SYT1: variants seen among roughly 807,000 people sequenced by gnomAD.
SYT1 encodes the protein synaptotagmin 1, also known as synaptotagmin-1.
A neutral mutation model predicts 44.8 loss-of-function variants in SYT1; 8 were observed. The observed-to-expected ratio is 0.18, with a 90% CI of 0.10 to 0.32. The LOEUF is 0.32. Among genes scored for constraint, SYT1 ranks in the 10% least tolerant of loss-of-function variants. SYT1 has a pLI of 1.00. For synonymous variants in SYT1, 154 were observed against 188.8 expected (o/e 0.82, Z 1.51); for missense variants, 286 against 509.3 (o/e 0.56, Z 4.22).
chr12:79,362,190 C>T (rs903974155), intron 9 of SYT1, among the ~76,000 whole-genome samples: 6 of 152,054 alleles, frequency 3.9e-5, no homozygotes, highest in Admixed American at 3.9e-4. Context: ...ATAAGATAAA[C>T]GTTTCCAGCC....
chr12:79,153,148 C>CGG (rs1870384829), intron 3 of SYT1, among the ~76,000 whole-genome samples: 1 of 152,006 alleles, frequency 6.6e-6, no homozygotes, highest in South Asian at 2.1e-4. Context: ...TTGAGGGAAA[C>CGG]GGGGCTGAGT....
intron 9 of SYT1, chr12:79,393,823 T>C (rs1373656341): frequency 1.3e-5 from 2 of 152,312 alleles, no homozygotes; most frequent in East Asian, 3.9e-4. Context: ...CCCATTTGTC[T>C]ATTTTGGCTT....
chr12:79,124,221 A>G (rs940191844), intron 3 of SYT1, among the ~76,000 whole-genome samples: 1 of 152,192 alleles, frequency 6.6e-6, no homozygotes. Flanking sequence ...TTTCAAAATT[A>G]TGTGGCCTGC....
At chr12:79,053,287 C>T (rs753912382) in intron 3 of SYT1, among the ~76,000 whole-genome samples, 1 of 152,002 alleles carries the variant, frequency 6.6e-6, no homozygotes, top group Non-Finnish European at 1.5e-5. Context: ...TGTTCTCACT[C>T]ATAGGTGGGA....
rs1870998590 is a variant in SYT1, at chr12:79,450,546, T to C, written c.*1422T>C. 1 of 152,614 alleles carries C rather than the reference T, an allele frequency of 6.6e-6. No individual in the cohort carries two copies. The highest frequency in any genetic ancestry group is 6.5e-5 in the Admixed American group (1 of 15,270). The allele number at this position is 152,614 out of a possible 1,614,324, so 9.5% of individuals were successfully genotyped here. A position where few individuals can be genotyped will look rare whatever the true frequency, so the allele number is the denominator to read the frequency against. On this transcript the variant is annotated 3_prime_UTR_variant, in exon 11 of 11. Transcript: ENST00000261205. Reference sequence around the variant, plus strand: ...GACACTATTATGAAGCTACTAGTCATTCCATAAGAGTCTTAAAGGACTGCT... The same window carrying C: ...GACACTATTATGAAGCTACTAGTCACTCCATAAGAGTCTTAAAGGACTGCT...
chr12:78,887,797 A>G (rs186057602), intron 1 of SYT1, among the ~76,000 whole-genome samples: 37 of 152,014 alleles, frequency 2.4e-4, no homozygotes, highest in Non-Finnish European at 4.3e-4. Flanking sequence ...ATACTAAAAT[A>G]TAATTTCAAT....
chr12:79,090,055 A>C (rs554177568), intron 3 of SYT1, among the ~76,000 whole-genome samples: 36 of 152,204 alleles, frequency 2.4e-4, no homozygotes, highest in African/African-American at 8.4e-4. Context: ...AAAATAGCCT[A>C]AAACTATGTC....
intron 8 of SYT1, among the ~76,000 whole-genome samples, chr12:79,313,332 C>T (rs1435023399): frequency 1.3e-5 from 2 of 152,116 alleles, no homozygotes; most frequent in Middle Eastern, 3.2e-3. Context: ...AAACTTATGC[C>T]GTGCAATACG....
At chr12:79,402,158 A>G (rs1347245511) in intron 9 of SYT1, among the ~76,000 whole-genome samples, 1 of 152,106 alleles carries the variant, frequency 6.6e-6, no homozygotes, top group African/African-American at 2.4e-5. Context: ...TCTACACTCC[A>G]CCCATCGCAA....
At chr12:78,995,043 G>T (rs1253611556) in intron 2 of SYT1, among the ~76,000 whole-genome samples, 2 of 152,190 alleles carry the variant, frequency 1.3e-5, no homozygotes, top group Admixed American at 6.5e-5. Context: ...CTTCACCCTG[G>T]ATCACCTGGG....
intron 8 of SYT1, among the ~76,000 whole-genome samples, chr12:79,313,571 G>T (rs1880913999): frequency 6.8e-6 from 1 of 146,464 alleles, no homozygotes; most frequent in Non-Finnish European, 1.5e-5. Flanking sequence ...ATTTCCGTAA[G>T]CATAGTTATG....
At chr12:79,417,412 C>T (rs1454096931) in intron 9 of SYT1, among the ~76,000 whole-genome samples, 5 of 152,170 alleles carry the variant, frequency 3.3e-5, no homozygotes, top group South Asian at 2.1e-4. Flanking sequence ...CCTCCTTTCC[C>T]GCAACCTGCC....
intron 8 of SYT1, among the ~76,000 whole-genome samples, chr12:79,344,100 TTA>T (rs1365761578): frequency 1.3e-5 from 2 of 152,184 alleles, no homozygotes; most frequent in Non-Finnish European, 2.9e-5. Flanking sequence ...CAGACCTGTT[TTA>T]TAAAGACAAG....
chr12:79,084,832 A>C (rs1424033583), intron 3 of SYT1, among the ~76,000 whole-genome samples: 2 of 152,164 alleles, frequency 1.3e-5, no homozygotes. Flanking sequence ...GTAGTTAATC[A>C]GATGTATAAA....
intron 2 of SYT1, among the ~76,000 whole-genome samples, chr12:79,045,320 G>T (rs978339215): frequency 6.6e-6 from 1 of 152,100 alleles, no homozygotes; most frequent in Admixed American, 6.5e-5. Flanking sequence ...ATATAATCTC[G>T]TGGTGCGCCA....
chr12:79,072,016 A>G (rs1876314957), intron 3 of SYT1, among the ~76,000 whole-genome samples: 1 of 152,058 alleles, frequency 6.6e-6, no homozygotes, highest in Admixed American at 6.6e-5. Flanking sequence ...TAATGATTTA[A>G]TTAAAACATC....
intron 8 of SYT1, among the ~76,000 whole-genome samples, chr12:79,321,640 A>G (rs1881363774): frequency 1.3e-5 from 2 of 152,288 alleles, no homozygotes; most frequent in South Asian, 4.1e-4. Context: ...TTTAACAAGG[A>G]TCATTTAGGC....
intron 2 of SYT1, among the ~76,000 whole-genome samples, chr12:79,010,743 G>C (rs1414893732): frequency 6.6e-6 from 1 of 152,066 alleles, no homozygotes; most frequent in Non-Finnish European, 1.5e-5. Flanking sequence ...CATCCCTATG[G>C]AAGTTCAAAA....
At chr12:79,239,755 T>C (rs374524132) in intron 4 of SYT1, among the ~76,000 whole-genome samples, 4 of 152,218 alleles carry the variant, frequency 2.6e-5, no homozygotes, top group African/African-American at 9.6e-5. Context: ...AAATGTCAAC[T>C]AGACCACAGA....
Sources: gnomAD v4.1 joint callset for allele counts (sites outside exome capture counted in the v4.1 genomes callset) on GRCh38, gnomAD v4.1.1 for gene constraint, MANE v1.5 for transcripts, NCBI Gene and HGNC (gene_info 2026-07-23, HGNC 2026-07-21) for gene names.